The following CDK14 variants were observed in gnomAD, a reference collection of about 807,000 sequenced individuals.
CDK14 encodes the protein cyclin dependent kinase 14.
A neutral mutation model predicts 60.7 loss-of-function variants in CDK14; 34 were observed. That is an observed-to-expected ratio of 0.56 (90% confidence interval 0.43 to 0.75). The LOEUF is 0.75. Ranked by LOEUF, CDK14 falls within the 30% of genes least tolerant of loss-of-function variation. The probability of loss-of-function intolerance (pLI) is 0.00; values close to 1 mark genes in which losing one functional copy is unlikely to be tolerated. For synonymous variants in CDK14, 197 were observed against 203.7 expected (o/e 0.97, Z 0.28); for missense variants, 482 against 564.1 (o/e 0.85, Z 1.47).
intron 7 of CDK14, among the ~76,000 whole-genome samples, chr7:90,901,336 C>T (rs920459517): frequency 6.6e-6 from 1 of 152,088 alleles, no homozygotes; most frequent in East Asian, 1.9e-4. Flanking sequence ...GTGACACTTA[C>T]AGTGAGCCTG....
At chr7:91,043,049 A>T (rs998823541) in intron 10 of CDK14, among the ~76,000 whole-genome samples, 19 of 152,254 alleles carry the variant, frequency 1.2e-4, no homozygotes, top group Non-Finnish European at 2.6e-4. Flanking sequence ...TGTAAGCAGG[A>T]CAGTTTGAGG....
intron 2 of CDK14, among the ~76,000 whole-genome samples, chr7:90,663,948 C>A (rs150111827): frequency 3.0e-4 from 45 of 151,488 alleles, no homozygotes; most frequent in African/African-American, 1.1e-3. Flanking sequence ...CATGTTTTTG[C>A]AATTAAACTA....
chr7:90,790,643 A>G lies in CDK14; in HGVS notation c.535A>G (p.Ile179Val). 6.2e-7 allele frequency: 1 copy of G among 1,611,160 alleles called. No homozygotes were observed. Among genetic ancestry groups the G allele is most frequent in the Non-Finnish European group, 8.5e-7 (1 of 1,177,788 alleles). The change falls in exon 5 of 15, where the codon ATC becomes GTC. Residue 179 changes from isoleucine to valine, a missense_variant. Ile to Val is a conservative substitution (Grantham distance 29). Coordinates refer to ENST00000380050, the MANE Select transcript of CDK14 (RefSeq NM_001287135.2). ...QEEEGTPFTA[I>V]REASLLKGLK... is the part of the protein sequence containing the mutation. ...AGAAGAAGGGACACCTTTCACAGCTATCAGGGAAGGTAGGCACTTTTCCTT... is the reference window on the plus strand; with the variant it reads ...AGAAGAAGGGACACCTTTCACAGCTGTCAGGGAAGGTAGGCACTTTTCCTT...
intron 5 of CDK14, among the ~76,000 whole-genome samples, chr7:90,818,856 TTCTC>T (rs1051253063): frequency 1.9e-4 from 27 of 144,794 alleles, no homozygotes; most frequent in Admixed American, 1.3e-3. Context: ...GACCAATATT[TTCTC>T]TCTCTCTATG....
intron 12 of CDK14, among the ~76,000 whole-genome samples, chr7:91,082,955 T>C (rs1271836087): frequency 6.6e-6 from 1 of 152,148 alleles, no homozygotes; most frequent in Non-Finnish European, 1.5e-5. Context: ...GATCTAAAAT[T>C]TTCTAACATA....
chr7:91,147,030 G>T (rs549442722), intron 14 of CDK14, among the ~76,000 whole-genome samples: 6 of 152,222 alleles, frequency 3.9e-5, no homozygotes, highest in Admixed American at 3.3e-4. Flanking sequence ...AGACAAGTCA[G>T]TTTGGTAAAA....
chr7:90,851,964 T>C (rs926408609), intron 5 of CDK14, among the ~76,000 whole-genome samples: 5 of 152,140 alleles, frequency 3.3e-5, no homozygotes, highest in Admixed American at 6.5e-5. Context: ...TGTGGCGTAA[T>C]CACAGCTCAC....
intron 2 of CDK14, among the ~76,000 whole-genome samples, chr7:90,624,383 C>T (rs1251168172): frequency 2.0e-5 from 3 of 152,218 alleles, no homozygotes; most frequent in African/African-American, 7.2e-5. Context: ...GAGTCACTTT[C>T]TAATTTTCTA....
intron 11 of CDK14, among the ~76,000 whole-genome samples, chr7:91,070,780 T>TA (rs1013257813): frequency 6.8e-5 from 10 of 147,920 alleles, no homozygotes; most frequent in East Asian, 2.0e-4. Flanking sequence ...AAGGAAATGT[T>TA]AAAAAAAAGA....
chr7:90,720,155 C>CT (rs1164726405), intron 2 of CDK14, among the ~76,000 whole-genome samples: 2 of 152,132 alleles, frequency 1.3e-5, no homozygotes, highest in Admixed American at 6.5e-5. Context: ...AGGTTGTTGA[C>CT]ATTAAAGTAT....
rs992248845 is a variant in CDK14, at chr7:90,660,833, T to C, written c.123+56584T>C. 2.0e-5 allele frequency among the ~76,000 whole-genome samples: 3 copies of C among 152,296 alleles called. No homozygotes were observed. In the East Asian group the frequency reaches 5.8e-4, roughly 29 times the overall value. On this transcript the variant is annotated intron_variant, in intron 2 of 14. Transcript: ENST00000380050. Reference sequence around the variant, plus strand: ...ATGACTTTCTCCTGGTTGGATTGGTTTAGTGAAGTGTGACTATTTGGCCCT... The same window carrying C: ...ATGACTTTCTCCTGGTTGGATTGGTCTAGTGAAGTGTGACTATTTGGCCCT...
chr7:90,763,342 A>G (rs1804404740), intron 4 of CDK14, among the ~76,000 whole-genome samples: 1 of 152,172 alleles, frequency 6.6e-6, no homozygotes, highest in African/African-American at 2.4e-5. Context: ...GCCTGGACCC[A>G]GAACTGGCAC....
chr7:90,636,731 G>C (rs923329407), intron 2 of CDK14, among the ~76,000 whole-genome samples: 68 of 152,208 alleles, frequency 4.5e-4, no homozygotes, highest in Non-Finnish European at 5.9e-4. Context: ...CCTTGTACCT[G>C]TGGTGGAATT....
chr7:91,069,677 G>T (rs1265046853), intron 11 of CDK14, among the ~76,000 whole-genome samples: 1 of 152,078 alleles, frequency 6.6e-6, no homozygotes, highest in Non-Finnish European at 1.5e-5. Flanking sequence ...GTTACTGAAG[G>T]ATGTATATGT....
At chr7:91,132,304 G>A (rs922934217) in intron 14 of CDK14, among the ~76,000 whole-genome samples, 16 of 152,152 alleles carry the variant, frequency 1.1e-4, no homozygotes, top group South Asian at 2.1e-4. Context: ...TTTTCAAAAA[G>A]AGGAAACAAA....
At chr7:90,897,476 GC>G (rs147870912) in intron 6 of CDK14, among the ~76,000 whole-genome samples, 11,171 of 151,898 alleles carry the variant, frequency 0.074, 498 homozygotes, top group East Asian at 0.19. Flanking sequence ...TACACTTCTT[GC>G]CCTCCTGGAT....
chr7:90,928,699 G>A (rs573866676), intron 8 of CDK14, among the ~76,000 whole-genome samples: 6 of 152,298 alleles, frequency 3.9e-5, no homozygotes, highest in Admixed American at 6.5e-5. Context: ...CAGTCTGTCC[G>A]TTCTCAGATC....
At chr7:90,918,103 C>A (rs972363439) in intron 8 of CDK14, among the ~76,000 whole-genome samples, 2 of 151,954 alleles carry the variant, frequency 1.3e-5, no homozygotes, top group Non-Finnish European at 2.9e-5. Context: ...ATATAATGAA[C>A]TTCAATTACT....
At chr7:90,967,541 G>A (rs1436169810) in intron 9 of CDK14, among the ~76,000 whole-genome samples, 3 of 152,070 alleles carry the variant, frequency 2.0e-5, no homozygotes, top group Non-Finnish European at 4.4e-5. Context: ...TTAGTGTGGT[G>A]GTGGTTTATA....
Sources: allele counts gnomAD v4.1 joint callset (sites outside exome capture counted in the v4.1 genomes callset), GRCh38; gene constraint gnomAD v4.1.1; transcripts MANE v1.5; gene names NCBI Gene and HGNC (gene_info 2026-07-23, HGNC 2026-07-21).